Variants in RGS7BP observed in about 807,000 individuals in gnomAD.
The protein encoded by RGS7BP is regulator of G protein signaling 7 binding protein.
Under a neutral mutation model 31.3 loss-of-function variants are expected in RGS7BP, and 9 were observed. That is an observed-to-expected ratio of 0.29 (90% CI 0.17 to 0.50). The LOEUF (loss-of-function observed/expected upper bound fraction) is 0.50. RGS7BP is among the 20% of genes least tolerant of loss of function. RGS7BP has a pLI of 0.98. For missense variants in RGS7BP, 274 were observed against 322.0 expected, an observed-to-expected ratio of 0.85 and a Z score of 1.14; for synonymous variants, 115 against 120.1, an observed-to-expected ratio of 0.96 and a Z score of 0.28.
rs200771071 is a variant in RGS7BP at position 64,554,887 on chromosome 5, A to AAT, written c.333-20877_333-20876dup. Among the ~76,000 whole-genome samples the AAT allele has an allele frequency of 1.7e-3, 263 of 152,074 alleles. 5 individuals carry two copies. In the East Asian group the frequency reaches 0.041, roughly 23 times the overall value. On this transcript the variant is annotated intron_variant, in intron 2 of 5. Transcript: ENST00000334025. ...ATAACTCGTATAAATTCTAAAAATG[A>AAT]ATATATATATACAAAATATATGATT... is the stretch of plus-strand genomic sequence containing the variant.
intron 2 of RGS7BP, among the ~76,000 whole-genome samples, chr5:64,534,222 G>T (rs1364270395): frequency 6.6e-6 from 1 of 151,010 alleles, no homozygotes; most frequent in Non-Finnish European, 1.5e-5. Context: ...AGGCAGGAAC[G>T]AACTTGGCTA....
At chr5:64,510,416 T>C (rs1207487783) in intron 2 of RGS7BP, among the ~76,000 whole-genome samples, 4 of 152,312 alleles carry the variant, frequency 2.6e-5, no homozygotes, top group South Asian at 4.1e-4. Flanking sequence ...AAAAAGAGTA[T>C]GCCAACTGAA....
At chr5:64,575,673 G>T in intron 2 of RGS7BP, 101 bp from the exon 3 acceptor site, 1 of 1,467,298 alleles carries the variant, frequency 6.8e-7, no homozygotes. Flanking sequence ...AAGGCTTTAA[G>T]GAATCTTTAT....
chr5:64,597,281 T>C (rs1326979985), intron 4 of RGS7BP, among the ~76,000 whole-genome samples: 3 of 152,034 alleles, frequency 2.0e-5, no homozygotes, highest in African/African-American at 7.2e-5. Context: ...TCTGGGGTTT[T>C]ATGACCATGC....
intron 5 of RGS7BP, among the ~76,000 whole-genome samples, chr5:64,603,380 G>A (rs1743271865): frequency 6.6e-6 from 1 of 152,196 alleles, no homozygotes; most frequent in Admixed American, 6.5e-5. Context: ...ACTTTCTGGA[G>A]CAGTGCTCAG....
intron 2 of RGS7BP, among the ~76,000 whole-genome samples, chr5:64,549,876 G>A (rs1741748033): frequency 6.6e-6 from 1 of 152,048 alleles, no homozygotes; most frequent in Non-Finnish European, 1.5e-5. Context: ...TTTACTGTAA[G>A]CACTCAGAGG....
At chr5:64,509,674 T>C (rs1263123975) in intron 2 of RGS7BP, among the ~76,000 whole-genome samples, 3 of 152,132 alleles carry the variant, frequency 2.0e-5, no homozygotes, top group Admixed American at 6.5e-5. Context: ...GAATGCACCA[T>C]GGTACCTGGC....
chr5:64,573,841 T>G (rs2111894535), intron 2 of RGS7BP, among the ~76,000 whole-genome samples: 1 of 152,290 alleles, frequency 6.6e-6, no homozygotes, highest in East Asian at 1.9e-4. Context: ...AATAGATCTG[T>G]CAACTACTCT....
At chr5:64,590,330 G>A (rs77520624) in intron 3 of RGS7BP, among the ~76,000 whole-genome samples, 2,557 of 151,922 alleles carry the variant, frequency 0.017, 39 homozygotes, top group Non-Finnish European at 0.027. Context: ...ATTAGTCAAG[G>A]ATATGCTCCC....
chr5:64,522,039 T>C (rs1448943423), intron 2 of RGS7BP, among the ~76,000 whole-genome samples: 1 of 152,338 alleles, frequency 6.6e-6, no homozygotes, highest in South Asian at 2.1e-4. Flanking sequence ...CTTATCTGGG[T>C]CCTGCTCAAA....
intron 2 of RGS7BP, among the ~76,000 whole-genome samples, chr5:64,555,327 G>C (rs1741894789): frequency 6.6e-6 from 1 of 152,042 alleles, no homozygotes; most frequent in Admixed American, 6.6e-5. Flanking sequence ...AACTAAAGGA[G>C]CTCATCACAT....
intron 2 of RGS7BP, among the ~76,000 whole-genome samples, chr5:64,535,349 A>G (rs1301899822): frequency 1.3e-5 from 2 of 152,306 alleles, no homozygotes; most frequent in East Asian, 1.9e-4. Flanking sequence ...GCCTGATCTC[A>G]GCTTAAATAT....
chr5:64,572,765 T>C (rs1742328198), intron 2 of RGS7BP, among the ~76,000 whole-genome samples: 1 of 151,964 alleles, frequency 6.6e-6, no homozygotes, highest in African/African-American at 2.4e-5. Context: ...CCCAAAGCAA[T>C]GTTTTGAATT....
At chr5:64,507,026 CTGTAGGT>C (rs900287407) in intron 1 of RGS7BP, among the ~76,000 whole-genome samples, 9 of 152,150 alleles carry the variant, frequency 5.9e-5, no homozygotes, top group Non-Finnish European at 1.2e-4. Context: ...GGATCAGCGG[CTGTAGGT>C]TGTGCCTGTA....
intron 2 of RGS7BP, among the ~76,000 whole-genome samples, chr5:64,525,352 G>A (rs1561322664): frequency 6.6e-6 from 1 of 152,188 alleles, no homozygotes; most frequent in African/African-American, 2.4e-5. Flanking sequence ...CTTCCTAGAT[G>A]TCTTATGAAG....
Position 64,506,850 on chromosome 5 carries a change from T to C in RGS7BP, c.165+61T>C. The C allele has an allele frequency of 7.0e-7, 1 of 1,435,106 alleles. No homozygotes were observed. The highest frequency in any genetic ancestry group is 9.4e-7 in the Non-Finnish European group (1 of 1,059,452). The allele number at this position is 1,435,106 out of a possible 1,614,324, so 88.9% of individuals were successfully genotyped here. A position where few individuals can be genotyped will look rare whatever the true frequency, so the allele number is the denominator to read the frequency against. On this transcript the variant is annotated intron_variant, in intron 1 of 5. Transcript: ENST00000334025. The surrounding 1 kb of genome is among the most constrained non-coding windows in gnomAD (Gnocchi z 4.6). Reference sequence around the variant, plus strand: ...AATTGAGAGGGGGTGGGGGGAGTCATGTATGTTAATCATTTGCCTGAGTGC... The same window carrying C: ...AATTGAGAGGGGGTGGGGGGAGTCACGTATGTTAATCATTTGCCTGAGTGC...
At chr5:64,577,262 C>T (rs1390177480) in intron 3 of RGS7BP, among the ~76,000 whole-genome samples, 1 of 151,984 alleles carries the variant, frequency 6.6e-6, no homozygotes, top group Non-Finnish European at 1.5e-5. Flanking sequence ...CACGGTGAAA[C>T]CCAGTCTCTA....
intron 5 of RGS7BP, chr5:64,601,541 T>A: frequency 1.7e-6 from 1 of 582,152 alleles, no homozygotes; most frequent in Non-Finnish European, 2.2e-6. Flanking sequence ...CCATCCAGTT[T>A]AAGACTGGAG....
chr5:64,538,285 CA>C (rs1741424744), intron 2 of RGS7BP, among the ~76,000 whole-genome samples: 1 of 151,690 alleles, frequency 6.6e-6, no homozygotes, highest in Non-Finnish European at 1.5e-5. Context: ...GTTGTATAAC[CA>C]CTACCAACAT....
Sources: gnomAD v4.1 joint callset for allele counts (sites outside exome capture counted in the v4.1 genomes callset) on GRCh38, gnomAD v4.1.1 for gene constraint, Gnocchi (gnomAD v3.1) non-coding constraint, MANE v1.5 for transcripts, NCBI Gene and HGNC (gene_info 2026-07-23, HGNC 2026-07-21) for gene names.